The following OSBPL6 variants were observed in gnomAD, a reference collection of about 807,000 sequenced individuals.
OSBPL6 encodes oxysterol binding protein like 6, also known as oxysterol-binding protein-related protein 6.
In OSBPL6, 49 loss-of-function variants were observed where a neutral mutation model predicts 125.8. The observed-to-expected ratio is 0.39, with a 90% CI of 0.31 to 0.49. The LOEUF (loss-of-function observed/expected upper bound fraction) is 0.49, where lower values mean the gene tolerates loss of function less well. OSBPL6 is among the 20% of genes least tolerant of loss of function. OSBPL6 has a pLI of 0.88. For synonymous variants in OSBPL6, 394 were observed against 391.8 expected (o/e 1.01, Z -0.07); for missense variants, 986 against 1,135.4 (o/e 0.87, Z 1.89).
At chr2:178,241,135 T>A (rs933378279) in intron 1 of OSBPL6, among the ~76,000 whole-genome samples, 5 of 152,166 alleles carry the variant, frequency 3.3e-5, no homozygotes, top group Admixed American at 1.3e-4. Context: ...ATATTCACGG[T>A]AGAAATTTAT....
chr2:178,344,255 T>C, intron 11 of OSBPL6: 1 of 1,590,208 alleles, frequency 6.3e-7, no homozygotes, highest in Non-Finnish European at 8.6e-7. Flanking sequence ...CCGTCCTGTG[T>C]TTCCTCCCCT....
At chr2:178,290,576 A>G (rs77393063) in intron 2 of OSBPL6, among the ~76,000 whole-genome samples, 4,626 of 152,180 alleles carry the variant, frequency 0.03, 107 homozygotes, top group Non-Finnish European at 0.048. Context: ...ACACCTATAT[A>G]ATCAGCACCC....
intron 12 of OSBPL6, among the ~76,000 whole-genome samples, chr2:178,352,820 G>A (rs1691408552): frequency 6.6e-6 from 1 of 152,128 alleles, no homozygotes; most frequent in Non-Finnish European, 1.5e-5. Flanking sequence ...AGCCTAACTG[G>A]GAGACACCTC....
At chr2:178,225,399 G>C (rs185947047) in intron 1 of OSBPL6, among the ~76,000 whole-genome samples, 3 of 152,184 alleles carry the variant, frequency 2.0e-5, no homozygotes, top group African/African-American at 7.2e-5. Flanking sequence ...GGCACATCCA[G>C]CACTTTGTAA....
chr2:178,332,106 G>A (rs990437113), intron 6 of OSBPL6, among the ~76,000 whole-genome samples: 2 of 152,184 alleles, frequency 1.3e-5, no homozygotes, highest in Non-Finnish European at 1.5e-5. Flanking sequence ...TCATCATTGT[G>A]GTGTAGGGGA....
chr2:178,328,153 G>C (rs1688860355), intron 4 of OSBPL6, 103 bp from the exon 5 acceptor site: 5 of 1,399,546 alleles, frequency 3.6e-6, no homozygotes, highest in Non-Finnish European at 3.9e-6. Context: ...TCTTTCTGGT[G>C]GGCCTAGTAC....
intron 1 of OSBPL6, among the ~76,000 whole-genome samples, chr2:178,220,545 A>G (rs1162949816): frequency 6.6e-6 from 1 of 152,074 alleles, no homozygotes; most frequent in African/African-American, 2.4e-5. Flanking sequence ...GGCTCAAGCA[A>G]CCCATCTGCC....
chr2:178,256,588 A>G (rs964780887), intron 1 of OSBPL6, among the ~76,000 whole-genome samples: 2 of 152,218 alleles, frequency 1.3e-5, no homozygotes, highest in East Asian at 3.8e-4. Flanking sequence ...AGGCAGGCTG[A>G]GGAGTTCACC....
chr2:178,374,839 G>T (rs1333738765), intron 15 of OSBPL6, among the ~76,000 whole-genome samples: 2 of 152,204 alleles, frequency 1.3e-5, no homozygotes, highest in Admixed American at 6.5e-5. Flanking sequence ...TTGGATGTTT[G>T]AAATTATGAG....
At position 178,398,245 on chromosome 2, in the gene OSBPL6, T is replaced by C. The variant is rs1362171777; in HGVS notation, c.*2686T>C. The C allele has an allele frequency of 1.3e-5, 2 of 152,252 alleles. No homozygotes were observed. Among genetic ancestry groups the C allele is most frequent in the Admixed American group, 1.3e-4 (2 of 15,292 alleles). The allele number at this position is 152,252 out of a possible 1,614,324, so 9.4% of individuals were successfully genotyped here. ...ATAAGACCTGATTTATTCCTTAGGA[T>C]GTTATACAAACCTTTTTATTTCAGG... On this transcript the variant is annotated 3_prime_UTR_variant, in exon 25 of 25. Transcript: ENST00000190611.
At chr2:178,290,661 G>A (rs367689128) in intron 2 of OSBPL6, among the ~76,000 whole-genome samples, 5 of 152,100 alleles carry the variant, frequency 3.3e-5, no homozygotes, top group African/African-American at 1.2e-4. Context: ...TGATACAACA[G>A]GTTGCCCCAA....
chr2:178,281,071 A>G (rs151130192), intron 1 of OSBPL6, among the ~76,000 whole-genome samples: 1,542 of 149,620 alleles, frequency 0.01, 12 homozygotes, highest in Non-Finnish European at 0.016. Context: ...TTGGAGTGCA[A>G]TGGCATGATC....
At chr2:178,315,018 G>T (rs900492676) in intron 3 of OSBPL6, among the ~76,000 whole-genome samples, 4 of 152,142 alleles carry the variant, frequency 2.6e-5, no homozygotes, top group Non-Finnish European at 5.9e-5. Context: ...CATCCTTGAT[G>T]GCTTGGGAAA....
intron 2 of OSBPL6, among the ~76,000 whole-genome samples, chr2:178,285,841 C>T (rs1684650254): frequency 1.3e-5 from 2 of 152,174 alleles, no homozygotes; most frequent in South Asian, 4.1e-4. Context: ...ATCCTCTGCT[C>T]AAACCTTATT....
chr2:178,365,180 A>G (rs1559298162), intron 13 of OSBPL6, among the ~76,000 whole-genome samples: 1 of 152,146 alleles, frequency 6.6e-6, no homozygotes, highest in Non-Finnish European at 1.5e-5. Flanking sequence ...CCATCTCAAA[A>G]ATAAATAAAT....
rs753899408 is a variant in OSBPL6, at chr2:178,306,173, C to T, written c.-12C>T. Reference sequence around the variant, plus strand: ...GGTCTTAAGTGCATAAAACGAGACTCTAACTGCAGCGATGAGTTCAGATGA... The same window carrying T: ...GGTCTTAAGTGCATAAAACGAGACTTTAACTGCAGCGATGAGTTCAGATGA... On this transcript the variant is annotated 5_prime_UTR_variant, in exon 3 of 25. Coordinates refer to ENST00000190611, the MANE Select transcript of OSBPL6 (RefSeq NM_032523.4). The T allele has an allele frequency of 1.1e-5, 17 of 1,585,304 alleles. No homozygotes were observed. Among genetic ancestry groups the T allele is most frequent in the Non-Finnish European group, 1.5e-5 (17 of 1,153,942 alleles).
chr2:178,307,508 G>A (rs1686878046), intron 3 of OSBPL6, among the ~76,000 whole-genome samples: 1 of 152,138 alleles, frequency 6.6e-6, no homozygotes, highest in Non-Finnish European at 1.5e-5. Context: ...TTCTTTAGAA[G>A]TAGTCATGCC....
chr2:178,252,705 AGATG>A (rs2091740376), intron 1 of OSBPL6, among the ~76,000 whole-genome samples: 1 of 152,202 alleles, frequency 6.6e-6, no homozygotes, highest in Non-Finnish European at 1.5e-5. Flanking sequence ...ATAGGCAGAT[AGATG>A]TAAATCCTTA....
intron 15 of OSBPL6, among the ~76,000 whole-genome samples, chr2:178,381,846 C>G (rs1694507992): frequency 6.6e-6 from 1 of 152,214 alleles, no homozygotes; most frequent in East Asian, 1.9e-4. Context: ...GTCGGGCCCT[C>G]TTGTTTTCTC....
Sources: allele counts gnomAD v4.1 joint callset (sites outside exome capture counted in the v4.1 genomes callset), GRCh38; gene constraint gnomAD v4.1.1; transcripts MANE v1.5; gene names NCBI Gene and HGNC (gene_info 2026-07-23, HGNC 2026-07-21).